The following DPP10 variants were observed in gnomAD, a reference collection of about 807,000 sequenced individuals.
DPP10 encodes inactive dipeptidyl peptidase 10.
In DPP10, 33 loss-of-function variants were observed where a neutral mutation model predicts 120.9. That is an observed-to-expected ratio of 0.27 (90% CI 0.21 to 0.37). The LOEUF is 0.37. DPP10 is among the 10% of genes least tolerant of loss of function. The pLI is 1.00. For synonymous variants in DPP10, 337 were observed against 326.1 expected (o/e 1.03, Z -0.36); for missense variants, 816 against 942.8 (o/e 0.87, Z 1.76).
intron 1 of DPP10, among the ~76,000 whole-genome samples, chr2:114,605,577 C>T (rs1692718754): frequency 6.6e-6 from 1 of 152,076 alleles, no homozygotes; most frequent in Non-Finnish European, 1.5e-5. Context: ...GCTTTCCAGT[C>T]AGGGATAGGC....
At chr2:114,723,380 G>T (rs138116703) in intron 1 of DPP10, among the ~76,000 whole-genome samples, 255 of 152,316 alleles carry the variant, frequency 1.7e-3, no homozygotes, top group African/African-American at 6.0e-3. Context: ...GCAAGGAGAT[G>T]ATGGTAATTG....
chr2:115,060,968 C>T (rs996402741), intron 1 of DPP10, among the ~76,000 whole-genome samples: 1 of 152,162 alleles, frequency 6.6e-6, no homozygotes, highest in Non-Finnish European at 1.5e-5. Flanking sequence ...GTCAATGTTT[C>T]TTGCTGAAGC....
At chr2:115,016,446 G>A (rs537129783) in intron 1 of DPP10, among the ~76,000 whole-genome samples, 35 of 152,096 alleles carry the variant, frequency 2.3e-4, no homozygotes, top group African/African-American at 6.0e-4. Flanking sequence ...AGGCATGGGC[G>A]AAGACTTCAT....
At chr2:114,913,080 G>GTGTATC (rs1352454273) in intron 1 of DPP10, among the ~76,000 whole-genome samples, 1 of 152,154 alleles carries the variant, frequency 6.6e-6, no homozygotes, top group African/African-American at 2.4e-5. Context: ...CCCTGGCTGG[G>GTGTATC]TGTATCTGCT....
In DPP10 at chr2:114,807,650, A is replaced by G. The variant is rs181653302; in HGVS notation, c.60+364812A>G. Among the ~76,000 whole-genome samples, 115 of 152,240 alleles carry G rather than the reference A, an allele frequency of 7.6e-4. 1 individual carries two copies. The highest frequency in any genetic ancestry group is 1.3e-3 in the Non-Finnish European group (88 of 68,012). On this transcript the variant is annotated intron_variant, in intron 1 of 25. Coordinates refer to ENST00000410059, the MANE Select transcript of DPP10 (RefSeq NM_020868.6). Reference sequence around the variant, plus strand: ...ATTTTTGTATCTAACTTATTTTATGATATACGTATCTATGTTGCTGTGTGT... The same window carrying G: ...ATTTTTGTATCTAACTTATTTTATGGTATACGTATCTATGTTGCTGTGTGT...
At chr2:115,702,383 C>T (rs889025219) in intron 7 of DPP10, among the ~76,000 whole-genome samples, 7 of 151,942 alleles carry the variant, frequency 4.6e-5, no homozygotes, top group African/African-American at 1.7e-4. Context: ...ACTTTGTACG[C>T]AAATGTCCAC....
chr2:114,708,634 TA>T (rs578002303), intron 1 of DPP10, among the ~76,000 whole-genome samples: 178 of 151,890 alleles, frequency 1.2e-3, no homozygotes, highest in Non-Finnish European at 2.0e-3. Context: ...ATCACTGTGG[TA>T]AAAAAAAGGA....
chr2:114,637,764 T>C (rs1347375027), intron 1 of DPP10, among the ~76,000 whole-genome samples: 2 of 151,886 alleles, frequency 1.3e-5, no homozygotes, highest in African/African-American at 4.9e-5. Context: ...TTGCTCATTT[T>C]TGTCAACTTT....
chr2:115,747,992 T>G (rs564482664), intron 10 of DPP10, among the ~76,000 whole-genome samples: 1 of 152,250 alleles, frequency 6.6e-6, no homozygotes, highest in South Asian at 2.1e-4. Context: ...TAAAAGGAGC[T>G]CTTGATTCCT....
intron 1 of DPP10, among the ~76,000 whole-genome samples, chr2:114,794,709 G>T (rs1035511204): frequency 6.6e-6 from 1 of 152,178 alleles, no homozygotes; most frequent in African/African-American, 2.4e-5. Context: ...GCAATTCTAT[G>T]CCATTGGTTG....
chr2:115,764,674 A>T (rs547478929), intron 12 of DPP10, among the ~76,000 whole-genome samples: 95 of 152,290 alleles, frequency 6.2e-4, no homozygotes, highest in Non-Finnish European at 9.6e-4. Flanking sequence ...ATGAATGTTT[A>T]ATAGAAACTT....
At chr2:115,225,493 ATGTGTGTGTG>A (rs35747472) in intron 1 of DPP10, among the ~76,000 whole-genome samples, 1 of 149,998 alleles carries the variant, frequency 6.7e-6, no homozygotes, top group African/African-American at 2.5e-5. Context: ...AACCGCATGA[ATGTGTGTGTG>A]TGTGTGTGCG....
chr2:114,547,801 G>A (rs909547992), intron 1 of DPP10, among the ~76,000 whole-genome samples: 1 of 152,198 alleles, frequency 6.6e-6, no homozygotes, highest in African/African-American at 2.4e-5. Flanking sequence ...CTTCAAGGTT[G>A]CTGAACCTGT....
At chr2:114,936,298 T>C (rs981682584) in intron 1 of DPP10, among the ~76,000 whole-genome samples, 1 of 152,048 alleles carries the variant, frequency 6.6e-6, no homozygotes, top group Non-Finnish European at 1.5e-5. Flanking sequence ...TTCCATCCAG[T>C]TGCTGTGAAT....
At chr2:114,461,533 A>C in intron 1 of DPP10, 4 of 967,920 alleles carry the variant, frequency 4.1e-6, no homozygotes, top group Non-Finnish European at 4.9e-6. Context: ...TCTTGCCTCC[A>C]ATAATGATCA....
intron 1 of DPP10, among the ~76,000 whole-genome samples, chr2:115,101,949 TCTGA>T (rs1391425057): frequency 6.6e-6 from 1 of 152,204 alleles, no homozygotes; most frequent in African/African-American, 2.4e-5. Flanking sequence ...CCAGATTTCT[TCTGA>T]CTAATTATGA....
At chr2:115,830,231 G>A (rs527616589) in intron 21 of DPP10, among the ~76,000 whole-genome samples, 3 of 151,848 alleles carry the variant, frequency 2.0e-5, no homozygotes, top group African/African-American at 7.2e-5. Context: ...GGTGGCGAGT[G>A]TCTGTAATCC....
intron 1 of DPP10, among the ~76,000 whole-genome samples, chr2:115,031,522 TAC>T (rs892823197): frequency 9.2e-5 from 14 of 152,152 alleles, no homozygotes; most frequent in Admixed American, 3.9e-4. Flanking sequence ...CTTTCACCAC[TAC>T]AGAGTCATTC....
intron 1 of DPP10, chr2:115,145,159 G>T (rs574407362): frequency 9.2e-5 from 14 of 151,910 alleles, no homozygotes; most frequent in African/African-American, 3.1e-4. Context: ...AAAAAAAGAA[G>T]AAATAAAAGA....
Sources: allele counts gnomAD v4.1 joint callset (sites outside exome capture counted in the v4.1 genomes callset), GRCh38; gene constraint gnomAD v4.1.1; transcripts MANE v1.5; gene names NCBI Gene and HGNC (gene_info 2026-07-23, HGNC 2026-07-21).